The following SYNCRIP variants were observed in gnomAD, a reference collection of about 807,000 sequenced individuals.
SYNCRIP encodes the protein synaptotagmin binding cytoplasmic RNA interacting protein.
Under a neutral mutation model 68.9 loss-of-function variants are expected in SYNCRIP, and 9 were observed. That is an observed-to-expected ratio of 0.13 (90% CI 0.08 to 0.23). SYNCRIP has a LOEUF of 0.23. Among genes scored for constraint, SYNCRIP ranks in the 10% least tolerant of loss-of-function variants. The pLI is 1.00. For synonymous variants in SYNCRIP, 258 were observed against 254.0 expected (o/e 1.02, Z -0.15); for missense variants, 414 against 770.6 (o/e 0.54, Z 5.48).
rs1318879061 is a variant in SYNCRIP at position 85,619,388 on chromosome 6, G to A, written c.1038C>T (p.Ala346=). The A allele has an allele frequency of 3.7e-6, 6 of 1,613,474 alleles. No individual in the cohort carries two copies. The highest frequency in any genetic ancestry group is 1.7e-5 in the Admixed American group (1 of 59,832). The change falls in exon 9 of 11, where the codon GCC becomes GCT. Residue 346 remains alanine (A), a synonymous_variant. Coordinates refer to ENST00000369622, the MANE Select transcript of SYNCRIP (RefSeq NM_006372.5). ...KVKVLFVRNL[A]NTVTEEILEK... Reference sequence around the variant, plus strand: ...CTAAAATCTCTTCTGTTACAGTATTGGCAAGGTTGCGTACAAACAGCACTT... The same window carrying A: ...CTAAAATCTCTTCTGTTACAGTATTAGCAAGGTTGCGTACAAACAGCACTT...
At chr6:85,623,571 A>AAAAAAAAAACAAAAAAAAAC (rs1806678765) in intron 7 of SYNCRIP, among the ~76,000 whole-genome samples, 5 of 147,972 alleles carry the variant, frequency 3.4e-5, no homozygotes, top group African/African-American at 1.3e-4. Context: ...CCAAAAAAAA[A>AAAAAAAAAACAAAAAAAAAC]AAAAAAAAAA....
chr6:85,619,909 C>T (rs1433158743), intron 8 of SYNCRIP, among the ~76,000 whole-genome samples: 3 of 152,156 alleles, frequency 2.0e-5, no homozygotes, highest in Non-Finnish European at 4.4e-5. Flanking sequence ...CTTACATGCA[C>T]ACAAAAACTT....
chr6:85,632,525 A>C (rs948689009), intron 6 of SYNCRIP, among the ~76,000 whole-genome samples: 1 of 152,248 alleles, frequency 6.6e-6, no homozygotes, highest in Admixed American at 6.5e-5. Context: ...CATCCAAAAA[A>C]ACTTGAGATT....
chr6:85,618,549 A>G (rs754647773), intron 10 of SYNCRIP, among the ~76,000 whole-genome samples: 45 of 152,050 alleles, frequency 3.0e-4, no homozygotes, highest in Admixed American at 1.2e-3. Flanking sequence ...ACCCAATACA[A>G]AACAAAAAAA....
Position 85,642,855 on chromosome 6 carries a change from C to A in SYNCRIP, c.-71G>T, listed in dbSNP as rs1403143149. ...CGATGGTATCGGGTTGCGGGAAACG[C>A]GTGCTCGCTGCTCCCTGTGTCCGGC... On this transcript the variant is annotated 5_prime_UTR_variant, in exon 1 of 11. Transcript: ENST00000369622. 1.3e-5 allele frequency: 2 copies of A among 152,712 alleles called. No individual in the cohort carries two copies. The highest frequency in any genetic ancestry group is 2.9e-5 in the Non-Finnish European group (2 of 68,104). 9.5% of individuals were successfully genotyped at this position (152,712 alleles called of 1,614,324 possible).
chr6:85,613,050 A>G, downstream of SYNCRIP: 1 of 1,145,446 alleles, frequency 8.7e-7, no homozygotes, highest in Non-Finnish European at 1.2e-6. Flanking sequence ...CTAGCCAAAA[A>G]AGTTGCCTTT....
chr6:85,631,968 T>A (rs1807848933), intron 6 of SYNCRIP, among the ~76,000 whole-genome samples: 2 of 152,210 alleles, frequency 1.3e-5, no homozygotes, highest in Admixed American at 1.3e-4. Flanking sequence ...CAAGTTTAGA[T>A]CATGCTTCCC....
Position 85,637,237 on chromosome 6 carries a change from C to G in SYNCRIP, c.489+6G>C. ...TACAAAAGGTACAAGTTTTTAGTTG[C>G]TTTACCTCAGTGCCAACAGAAGGCT... On this transcript the variant is annotated splice_donor_region_variant and intron_variant, in intron 5 of 10. Transcript: ENST00000369622. The G allele has an allele frequency of 6.2e-7, 1 of 1,612,718 alleles. No individual in the cohort carries two copies.
chr6:85,633,832 G>A (rs919660988), intron 6 of SYNCRIP, among the ~76,000 whole-genome samples: 3 of 152,074 alleles, frequency 2.0e-5, no homozygotes, highest in African/African-American at 7.2e-5. Flanking sequence ...TACAGATGGG[G>A]TCTATGTTTC....
intron 6 of SYNCRIP, among the ~76,000 whole-genome samples, chr6:85,626,735 CAACATT>C (rs750942318): frequency 7.2e-5 from 11 of 152,286 alleles, no homozygotes; most frequent in Non-Finnish European, 1.0e-4. Context: ...CATTAACCAT[CAACATT>C]AACAATGCTG....
At chr6:85,627,053 C>G (rs1341977834) in intron 6 of SYNCRIP, among the ~76,000 whole-genome samples, 1 of 151,954 alleles carries the variant, frequency 6.6e-6, no homozygotes, top group Non-Finnish European at 1.5e-5. Context: ...ATTGCCTAAG[C>G]TCAGGAGTTC....
At chr6:85,620,333 G>A (rs919621734) in intron 8 of SYNCRIP, among the ~76,000 whole-genome samples, 2 of 152,104 alleles carry the variant, frequency 1.3e-5, no homozygotes, top group African/African-American at 4.8e-5. Context: ...CATACAGAAG[G>A]AATATTATAA....
chr6:85,614,210 A>C lies in SYNCRIP; in HGVS notation c.*546T>G, dbSNP rs1027065153. 4 of 985,586 alleles carry C rather than the reference A, an allele frequency of 4.1e-6. No individual in the cohort carries two copies. Among genetic ancestry groups the C allele is most frequent in the Non-Finnish European group, 4.8e-6 (4 of 829,744 alleles). The allele number at this position is 985,586 out of a possible 1,614,324, so 61.1% of individuals were successfully genotyped here. On this transcript the variant is annotated 3_prime_UTR_variant, in exon 11 of 11. Coordinates refer to ENST00000369622, the MANE Select transcript of SYNCRIP (RefSeq NM_006372.5). ...ACGAATTGTAAACACAATTTTAGTA[A>C]GTATACATTTAGGTGTGAATTTTTT... is the stretch of plus-strand genomic sequence containing the variant.
chr6:85,614,864 T>A lies in SYNCRIP; in HGVS notation c.1764A>T (p.Gln588His). 6.2e-7 allele frequency: 1 copy of A among 1,614,168 alleles called. No homozygotes were observed. The highest frequency in any genetic ancestry group is 8.5e-7 in the Non-Finnish European group (1 of 1,180,028). Residue 588 changes from glutamine (Q) to histidine (H), a missense_variant, in exon 11 of 11, where the codon CAA becomes CAT. This residue lies in a region of SYNCRIP where 130 missense variants were observed against 149.0 expected (regional missense o/e 0.87). Transcript: ENST00000369622. ...CTTGGAGCGGTTGCTGAGCAATGGG[T>A]TGGGAGCCCCAGTTCTGATTATTGG... ...RQTNNQNWGS[Q>H]PIAQQPLQGG...
At chr6:85,613,069 T>C (rs1482480265), downstream of SYNCRIP, 4 of 931,632 alleles carry the variant, frequency 4.3e-6, no homozygotes, top group Non-Finnish European at 5.9e-6. Flanking sequence ...TTAATAACTA[T>C]GAACTTCTTT....
intron 8 of SYNCRIP, 29 bp downstream of exon 8, chr6:85,622,453 A>T (rs1234995885): frequency 6.2e-7 from 1 of 1,608,486 alleles, no homozygotes; most frequent in African/African-American, 1.3e-5. Flanking sequence ...TAATCCCTCA[A>T]AAAATATTTT....
At chr6:85,611,608 CAAAA>C (rs1225179237), downstream of SYNCRIP, 1 of 152,274 alleles carries the variant, frequency 6.6e-6, no homozygotes, top group African/African-American at 2.4e-5. Flanking sequence ...TAGGACTTGG[CAAAA>C]AAATTTTTGA....
chr6:85,634,667 C>T (rs1230690337), intron 6 of SYNCRIP, among the ~76,000 whole-genome samples: 1 of 152,038 alleles, frequency 6.6e-6, no homozygotes, highest in Non-Finnish European at 1.5e-5. Context: ...GTAGAGAGAG[C>T]CCACTGTATT....
chr6:85,613,948 G>C (rs1805488047), downstream of SYNCRIP: 3 of 975,502 alleles, frequency 3.1e-6, no homozygotes, highest in South Asian at 1.4e-4. Flanking sequence ...TCACAATTAA[G>C]AACTCTAAAA....
Sources: allele counts gnomAD v4.1 joint callset (sites outside exome capture counted in the v4.1 genomes callset), GRCh38; gene constraint gnomAD v4.1.1; regional missense constraint gnomAD v4.1.1; transcripts MANE v1.5; gene names NCBI Gene and HGNC (gene_info 2026-07-23, HGNC 2026-07-21).